Variants in SCEL observed in about 807,000 individuals in gnomAD.
SCEL encodes sciellin.
In SCEL, 113 loss-of-function variants were observed where a neutral mutation model predicts 117.6. The observed-to-expected ratio is 0.96, with a 90% CI of 0.83 to 1.12. The LOEUF is 1.12. Among genes scored for constraint, SCEL ranks in the 50% most tolerant of loss-of-function variants. The pLI is 0.00. For missense variants in SCEL, 785 were observed against 810.8 expected, an observed-to-expected ratio of 0.97 and a Z score of 0.39; for synonymous variants, 270 against 256.2, an observed-to-expected ratio of 1.05 and a Z score of -0.51.
At chr13:77,609,847 T>C (rs2088506801) in intron 21 of SCEL, among the ~76,000 whole-genome samples, 200 bp from the exon 22 acceptor site, 1 of 152,180 alleles carries the variant, frequency 6.6e-6, no homozygotes, top group African/African-American at 2.4e-5. Context: ...GAAGTTCTTA[T>C]TCATTATTTC....
At position 77,572,127 on chromosome 13, in the gene SCEL, G is replaced by GTCC; in HGVS notation, c.485_487dup (p.Ser162dup). The GTCC allele has an allele frequency of 1.2e-6, 2 of 1,612,652 alleles. No individual in the cohort carries two copies. Among genetic ancestry groups the GTCC allele is most frequent in the South Asian group, 2.2e-5 (2 of 91,020 alleles). On this transcript the variant is annotated inframe_insertion, in exon 9 of 33. Transcript: ENST00000349847. ...TTACCGTGTCATTTCTTAACAGGCA[G>GTCC]TCCTGGTTTCCACCGCCCCCTCCAG... is the stretch of plus-strand genomic sequence containing the variant.
At chr13:77,557,074 T>C (rs894238108) in intron 3 of SCEL, among the ~76,000 whole-genome samples, 6 of 152,218 alleles carry the variant, frequency 3.9e-5, no homozygotes, top group Non-Finnish European at 7.4e-5. Flanking sequence ...CTGTTGATCA[T>C]GTCAGCTGAA....
At chr13:77,540,083 C>T (rs1319203335) in intron 1 of SCEL, among the ~76,000 whole-genome samples, 2 of 152,028 alleles carry the variant, frequency 1.3e-5, no homozygotes, top group Admixed American at 6.5e-5. Flanking sequence ...TGACAAAGGA[C>T]GTATCATATA....
Position 77,536,874 on chromosome 13 carries a change from A to G in SCEL, c.-20+1050A>G, listed in dbSNP as rs573312736. On this transcript the variant is annotated intron_variant, in intron 1 of 32. Transcript: ENST00000349847. ...TTAGACACACCAGTGCTCATTTCCCAAAGGTTTACAGAAGAATTTTACAAC... is the reference window on the plus strand; with the variant it reads ...TTAGACACACCAGTGCTCATTTCCCGAAGGTTTACAGAAGAATTTTACAAC... 1.6e-4 allele frequency among the ~76,000 whole-genome samples: 24 copies of G among 152,360 alleles called. No individual in the cohort carries two copies. The South Asian group carries it at 3.7e-3, about 24-fold the overall frequency.
chr13:77,540,721 G>A (rs1006186901), intron 1 of SCEL, among the ~76,000 whole-genome samples: 9 of 152,212 alleles, frequency 5.9e-5, no homozygotes, highest in Non-Finnish European at 1.2e-4. Flanking sequence ...GGGAAGTGGG[G>A]AGTTGGGGGA....
chr13:77,608,957 G>A, intron 20 of SCEL, 101 bp from the exon 21 acceptor site: 2 of 938,558 alleles, frequency 2.1e-6, no homozygotes, highest in East Asian at 2.8e-5. Context: ...TCAAAACTCA[G>A]TAGTAAAATT....
intron 9 of SCEL, among the ~76,000 whole-genome samples, chr13:77,588,325 G>A (rs1233884718): frequency 6.6e-6 from 1 of 152,152 alleles, no homozygotes; most frequent in Non-Finnish European, 1.5e-5. Flanking sequence ...TGGCAATTCA[G>A]GCAGCCTGAC....
At chr13:77,546,403 T>A (rs2083990257) in intron 1 of SCEL, among the ~76,000 whole-genome samples, 1 of 152,184 alleles carries the variant, frequency 6.6e-6, no homozygotes, top group Admixed American at 6.5e-5. Context: ...GCAGGTTATT[T>A]AAGCTCTCTG....
chr13:77,637,550 A>C (rs734758), intron 30 of SCEL, among the ~76,000 whole-genome samples: 134,949 of 151,696 alleles, frequency 0.89, 60,307 homozygotes, highest in South Asian at 0.97. Context: ...TGTTTCTTGG[A>C]TTCCTGGCTG....
chr13:77,565,826 A>G (rs981222079), intron 5 of SCEL, among the ~76,000 whole-genome samples: 4 of 152,208 alleles, frequency 2.6e-5, no homozygotes, highest in Non-Finnish European at 5.9e-5. Flanking sequence ...ACAGTGGGTT[A>G]TAACTAATTT....
Position 77,617,832 on chromosome 13 carries a change from T to C in SCEL, c.1541T>C (p.Val514Ala), listed in dbSNP as rs2089167734. The stretch of plus-strand genomic sequence containing the variant: ...CAAGATCTTGCTAACCTCATCAAAG[T>C]AAATCCTGCAGTAATCAGAAACAAT... The part of the protein sequence containing the change: ...RNQDLANLIK[V>A]NPAVIRNNQS... The change falls in exon 26 of 33, where the codon GTA becomes GCA. Residue 514 changes from valine (V) to alanine (A), a missense_variant. By Grantham distance (64) the Val-to-Ala change is moderately conservative. Transcript: ENST00000349847. 1 of 1,611,542 alleles carries C rather than the reference T, an allele frequency of 6.2e-7. No homozygotes were observed. The highest frequency in any genetic ancestry group is 1.3e-5 in the African/African-American group (1 of 74,878).
chr13:77,610,158 C>G, intron 22 of SCEL, 52 bp downstream of exon 22: 4 of 1,325,080 alleles, frequency 3.0e-6, no homozygotes, highest in Non-Finnish European at 2.1e-6. Context: ...TCCTAATGAG[C>G]TTAAAAACAT....
At position 77,627,940 on chromosome 13, in the gene SCEL, T is replaced by C. The variant is rs746497280; in HGVS notation, c.1629-7T>C. The C allele has an allele frequency of 1.5e-6, 2 of 1,309,746 alleles. No individual in the cohort carries two copies. The highest frequency in any genetic ancestry group is 1.5e-5 in the African/African-American group (1 of 67,828). 81.1% of individuals were successfully genotyped at this position (1,309,746 alleles called of 1,614,324 possible). A position where few individuals can be genotyped will look rare whatever the true frequency, so the allele number is the denominator to read the frequency against. ...AATTATTCATATATATATATTTTTT[T>C]CCTTAGAGACCAGAACCTGGAAAAT... On this transcript the variant is annotated splice_region_variant and splice_polypyrimidine_tract_variant and intron_variant, in intron 27 of 32. Transcript: ENST00000349847.
intron 27 of SCEL, among the ~76,000 whole-genome samples, chr13:77,625,157 G>C (rs1348149306): frequency 6.6e-6 from 1 of 152,040 alleles, no homozygotes; most frequent in Non-Finnish European, 1.5e-5. Flanking sequence ...CACCATCCCA[G>C]TTTGACATTC....
At chr13:77,585,029 A>G in intron 9 of SCEL, among the ~76,000 whole-genome samples, 1 of 152,340 alleles carries the variant, frequency 6.6e-6, no homozygotes, top group Non-Finnish European at 1.5e-5. Context: ...TGACAGTGGA[A>G]TTCTCCTATG....
At chr13:77,608,201 G>T in intron 20 of SCEL, 86 bp downstream of exon 20, 1 of 1,056,608 alleles carries the variant, frequency 9.5e-7, no homozygotes, top group Admixed American at 2.3e-5. Flanking sequence ...AAAACCTTTG[G>T]ATTGGGATCA....
chr13:77,628,817 C>G (rs1451362043), intron 28 of SCEL, among the ~76,000 whole-genome samples: 1 of 152,092 alleles, frequency 6.6e-6, no homozygotes, highest in Non-Finnish European at 1.5e-5. Flanking sequence ...GTTCCTGAAT[C>G]CGACAGGTAG....
At chr13:77,628,148 A>G (rs2089846996) in intron 28 of SCEL, 139 bp downstream of exon 28, 1 of 152,928 alleles carries the variant, frequency 6.5e-6, no homozygotes, top group African/African-American at 3.3e-5. Flanking sequence ...GTGTATGTAT[A>G]TGTGTGTATA....
intron 24 of SCEL, among the ~76,000 whole-genome samples, chr13:77,616,435 C>A (rs969995589): frequency 6.6e-6 from 1 of 151,970 alleles, no homozygotes. Flanking sequence ...CATCAATTTA[C>A]ATAAGGAGAT....
Sources: gnomAD v4.1 joint callset for allele counts (sites outside exome capture counted in the v4.1 genomes callset) on GRCh38, gnomAD v4.1.1 for gene constraint, MANE v1.5 for transcripts, NCBI Gene and HGNC (gene_info 2026-07-23, HGNC 2026-07-21) for gene names.